The following RASAL3 variants were observed in gnomAD, a reference collection of about 807,000 sequenced individuals.
The protein encoded by RASAL3 is RAS protein activator like-3.
In RASAL3, 74 loss-of-function variants were observed where a neutral mutation model predicts 105.5. The observed-to-expected ratio is 0.70, with a 90% CI of 0.58 to 0.85. The LOEUF is 0.85. Among genes scored for constraint, RASAL3 ranks in the 40% least tolerant of loss-of-function variants. The probability of loss-of-function intolerance (pLI) is 0.00; values close to 1 mark genes in which losing one functional copy is unlikely to be tolerated. For missense variants in RASAL3, 1,352 were observed against 1,392.0 expected (o/e 0.97, Z 0.46); for synonymous variants, 579 against 591.6 (o/e 0.98, Z 0.31).
In RASAL3 at chr19:15,458,587, C is replaced by G; in HGVS notation, c.731G>C (p.Arg244Pro). ...GTGCAGTGGCCAGATCCGCACATCC[C>G]GCTCGGCACCCAGGTCCAGTTCAGA... is the stretch of plus-strand genomic sequence containing the variant. Reference protein sequence around the residue: ...TLSELDLGAERDVRIWPLHPS... With the variant: ...TLSELDLGAEPDVRIWPLHPS... Residue 244 changes from arginine to proline, a missense_variant, in exon 7 of 18, where the codon CGG becomes CCG. By Grantham distance (103) the Arg-to-Pro change is moderately radical (BLOSUM62 -2). This residue lies in a region of RASAL3 where 344 missense variants were observed against 339.6 expected (regional missense o/e 1.01). Coordinates refer to ENST00000343625, the MANE Select transcript of RASAL3 (RefSeq NM_022904.3). 1 of 1,613,508 alleles carries G rather than the reference C, an allele frequency of 6.2e-7. No individual in the cohort carries two copies. The highest frequency in any genetic ancestry group is 1.1e-5 in the South Asian group (1 of 90,980).
rs1471588378 is a variant in RASAL3, at chr19:15,451,736, C to G, written c.*59G>C. 1.3e-6 allele frequency: 2 copies of G among 1,536,550 alleles called. No individual in the cohort carries two copies. Among genetic ancestry groups the G allele is most frequent in the African/African-American group, 1.4e-5 (1 of 73,220 alleles). ...AGGGCTAAGGCAAAGTCAGACACCC[C>G]CCCTAAGATGGCTATCTCTCTGCTC... is the stretch of plus-strand genomic sequence containing the variant. On this transcript the variant is annotated 3_prime_UTR_variant, in exon 18 of 18. Coordinates refer to ENST00000343625, the MANE Select transcript of RASAL3 (RefSeq NM_022904.3).
chr19:15,454,611 C>T, intron 12 of RASAL3, 46 bp downstream of exon 12: 1 of 1,612,498 alleles, frequency 6.2e-7, no homozygotes, highest in Non-Finnish European at 8.5e-7. Flanking sequence ...CTGCCACCCC[C>T]ACACTCCCAG....
intron 2 of RASAL3, among the ~76,000 whole-genome samples, chr19:15,462,511 A>G (rs1970541515): frequency 1.3e-5 from 2 of 151,764 alleles, no homozygotes; most frequent in Non-Finnish European, 2.9e-5. Context: ...ACAAAAACAA[A>G]ATGGGAATAT....
In RASAL3 at chr19:15,461,017, C is replaced by T; in HGVS notation, c.606+43G>A. On this transcript the variant is annotated intron_variant, in intron 5 of 17. Transcript: ENST00000343625. Reference sequence around the variant, plus strand: ...CTTTCAGCTTTGAGGGTCCGAGAGTCTTGGCTCTCCCCTCTACCTCCCACC... The same window carrying T: ...CTTTCAGCTTTGAGGGTCCGAGAGTTTTGGCTCTCCCCTCTACCTCCCACC... The T allele has an allele frequency of 3.1e-6, 5 of 1,596,940 alleles. No individual in the cohort carries two copies. In the East Asian group the frequency reaches 1.1e-4, roughly 36 times the overall value.
Position 15,453,762 on chromosome 19 carries a change from A to AT in RASAL3, c.2280-266dup, listed in dbSNP as rs59747859. Among the ~76,000 whole-genome samples the AT allele has an allele frequency of 7.1e-3, 1,010 of 142,626 alleles. 9 individuals carry two copies. The highest frequency in any genetic ancestry group is 0.019 in the African/African-American group (724 of 38,968). The allele number at this position is 142,626 out of a possible 152,430, so 93.6% of individuals were successfully genotyped here. On this transcript the variant is annotated intron_variant, in intron 14 of 17. Coordinates refer to ENST00000343625, the MANE Select transcript of RASAL3 (RefSeq NM_022904.3). This position sits in a 1 kb window ranked among gnomAD's most constrained non-coding sequence, Gnocchi z 4.2. ...CAGCACATGCCACTATACCCAGGTAATTTTTTTTTTTTTTGGTAGAGATGG... is the reference window on the plus strand; with the variant it reads ...CAGCACATGCCACTATACCCAGGTAATTTTTTTTTTTTTTTGGTAGAGATGG...
At chr19:15,461,753 G>A in intron 2 of RASAL3, 146 bp from the exon 3 acceptor site, 1 of 1,222,330 alleles carries the variant, frequency 8.2e-7, no homozygotes. Flanking sequence ...CCTTGGGCAA[G>A]CTTTCATCGC....
At chr19:15,455,955 T>C in intron 11 of RASAL3, 149 bp downstream of exon 11, 1 of 913,288 alleles carries the variant, frequency 1.1e-6, no homozygotes, top group Non-Finnish European at 1.6e-6. Context: ...CTGGTTCAAA[T>C]GAGTAATTTT....
In RASAL3 at chr19:15,456,498, T is replaced by A; in HGVS notation, c.1576+4A>T. 1.2e-6 allele frequency: 2 copies of A among 1,613,536 alleles called. No individual in the cohort carries two copies. The highest frequency in any genetic ancestry group is 8.5e-7 in the Non-Finnish European group (1 of 1,179,716). ...CCGCTGACATGGACTCTCCCCCAGCTCACCCAGGGTCTCCTGGAGGTAATC... is the reference window on the plus strand; with the variant it reads ...CCGCTGACATGGACTCTCCCCCAGCACACCCAGGGTCTCCTGGAGGTAATC... On this transcript the variant is annotated splice_donor_region_variant and intron_variant, in intron 10 of 17. Transcript: ENST00000343625. This position sits in a 1 kb window ranked among gnomAD's most constrained non-coding sequence, Gnocchi z 4.4.
At chr19:15,462,100 C>A (rs1599752416) in intron 2 of RASAL3, among the ~76,000 whole-genome samples, 1 of 152,032 alleles carries the variant, frequency 6.6e-6, no homozygotes, top group African/African-American at 2.4e-5. Context: ...TGCCTGTAAT[C>A]CCAACATTTG....
chr19:15,453,340 GCCGGGGCCGCCGC>G lies in RASAL3; in HGVS notation c.2424_2436del (p.Arg810CysfsTer29). 1 of 1,425,482 alleles carries G rather than the reference GCCGGGGCCGCCGC, an allele frequency of 7.0e-7. No homozygotes were observed. The highest frequency in any genetic ancestry group is 1.5e-5 in the South Asian group (1 of 67,298). The allele number at this position is 1,425,482 out of a possible 1,614,324, so 88.3% of individuals were successfully genotyped here. On this transcript the variant is annotated frameshift_variant, in exon 15 of 18. Coordinates refer to ENST00000343625, the MANE Select transcript of RASAL3 (RefSeq NM_022904.3). LOFTEE classifies it high-confidence loss of function. This position sits in a 1 kb window ranked among gnomAD's most constrained non-coding sequence, Gnocchi z 4.2. ...GGGACACTCTGCGTGCGCTGCACCG[GCCGGGGCCGCCGC>G]AGGGGCCGCTCTTCGTCCGGCCGTG...
intron 15 of RASAL3, 101 bp from the exon 16 acceptor site, chr19:15,452,916 C>T: frequency 6.8e-7 from 1 of 1,462,732 alleles, no homozygotes; most frequent in South Asian, 1.3e-5. Context: ...TCATCACCGG[C>T]CTGCCTAGTT....
rs1436171215 is a variant in RASAL3 at position 15,461,418 on chromosome 19, C to T, written c.465+53G>A. ...CCTCCAGCCCCTGCCTCTGTTCTGC[C>T]CTCCTCCTTTTTCTTTCTTCCCTCC... is the stretch of plus-strand genomic sequence containing the variant. On this transcript the variant is annotated intron_variant, in intron 3 of 17. Coordinates refer to ENST00000343625, the MANE Select transcript of RASAL3 (RefSeq NM_022904.3). The T allele has an allele frequency of 6.5e-6, 10 of 1,533,636 alleles. No homozygotes were observed. In the Admixed American group the frequency reaches 1.8e-4, roughly 28 times the overall value.
chr19:15,464,116 A>G lies in RASAL3; in HGVS notation c.243T>C (p.Ser81=). 1.2e-6 allele frequency: 2 copies of G among 1,613,274 alleles called. No individual in the cohort carries two copies. The highest frequency in any genetic ancestry group is 1.7e-6 in the Non-Finnish European group (2 of 1,179,684). The part of the protein sequence containing the change: ...LSAPPKESRT[S]RLRLSKALWG... ...AGAGGGCCTTGGAGAGTCGAAGGCGACTGGTCCGTGACTCCTTGGGAGGCG... is the reference window on the plus strand; with the variant it reads ...AGAGGGCCTTGGAGAGTCGAAGGCGGCTGGTCCGTGACTCCTTGGGAGGCG... Residue 81 remains serine (S), a synonymous_variant, in exon 2 of 18, where the codon AGT becomes AGC. Coordinates refer to ENST00000343625, the MANE Select transcript of RASAL3 (RefSeq NM_022904.3).
At position 15,458,417 on chromosome 19, in the gene RASAL3, T is replaced by A. The variant is rs1970398830; in HGVS notation, c.799A>T (p.Thr267Ser). Residue 267 changes from threonine to serine, a missense_variant, in exon 8 of 18, where the codon ACG becomes TCG. Transcript: ENST00000343625. ...GEPHCFQVTW[T>S]GGSRCFSCRS... ...CAAGAGAAGCAGCGGCTTCCACCCG[T>A]CCAGGTTACCTGTTGGGATGGAGAA... 6.2e-7 allele frequency: 1 copy of A among 1,613,716 alleles called. No homozygotes were observed. The highest frequency in any genetic ancestry group is 1.3e-5 in the African/African-American group (1 of 74,922).
At position 15,453,464 on chromosome 19, in the gene RASAL3, G is replaced by A. The variant is rs777821670; in HGVS notation, c.2313C>T (p.Ala771=). ...LSAGEKPGFL[A]PRDLPKHTPL... ...GGGTGTGCTTGGGGAGGTCCCGGGGGGCCAGGAAGCCGGGCTTCTCCCCTG... is the reference window on the plus strand; with the variant it reads ...GGGTGTGCTTGGGGAGGTCCCGGGGAGCCAGGAAGCCGGGCTTCTCCCCTG... The change falls in exon 15 of 18, where the codon GCC becomes GCT. Residue 771 remains alanine (A), a synonymous_variant. Transcript: ENST00000343625. The surrounding 1 kb of genome is among the most constrained non-coding windows in gnomAD (Gnocchi z 4.2). The A allele has an allele frequency of 1.7e-5, 26 of 1,543,388 alleles. No individual in the cohort carries two copies. Among genetic ancestry groups the A allele is most frequent in the Non-Finnish European group, 2.2e-5 (25 of 1,155,784 alleles).
rs1230779550 is a variant in RASAL3 at position 15,457,753 on chromosome 19, G to A, written c.970C>T (p.Pro324Ser). ...AGCCACAGCTCGGCGCGCACGCCGG[G>A]TGCCCCCGCCGCTGCTCGGGGAAGC... ...KGLPRAAAGA[P>S]GVRAELWLDG... Residue 324 changes from proline (P) to serine (S), a missense_variant, in exon 9 of 18, where the codon CCC (proline) becomes TCC (serine). Transcript: ENST00000343625. The surrounding 1 kb of genome is among the most constrained non-coding windows in gnomAD (Gnocchi z 8.6). 6.5e-7 allele frequency: 1 copy of A among 1,544,492 alleles called. No homozygotes were observed. The highest frequency in any genetic ancestry group is 8.7e-7 in the Non-Finnish European group (1 of 1,145,158).
In RASAL3 at chr19:15,464,371, G is replaced by GT; in HGVS notation, c.-14_-13insA. The GT allele has an allele frequency of 6.9e-7, 1 of 1,459,230 alleles. No homozygotes were observed. The highest frequency in any genetic ancestry group is 9.5e-7 in the Non-Finnish European group (1 of 1,052,792). 90.4% of individuals were successfully genotyped at this position (1,459,230 alleles called of 1,614,324 possible). ...ACGGTGGGTCCATGGTTGGGGGGGG[G>GT]GGTCTCCTGGGGGACGAGAGAGTGA... On this transcript the variant is annotated 5_prime_UTR_variant, in exon 2 of 18. Coordinates refer to ENST00000343625, the MANE Select transcript of RASAL3 (RefSeq NM_022904.3).
In RASAL3 at chr19:15,464,062, C is replaced by G. The variant is rs752695161; in HGVS notation, c.297G>C (p.Glu99Asp). ...CCTCCTGCTCCGGCTCCGGGTCTGG[C>G]TCCGGCGGTGGGTTCTTATGCCTCC... is the stretch of plus-strand genomic sequence containing the variant. ...LWGRHKNPPP[E>D]PDPEPEQEAP... Residue 99 changes from glutamate (E) to aspartate (D), a missense_variant, in exon 2 of 18, where the codon GAG becomes GAC. Physicochemically the swap from Glu to Asp is conservative, Grantham distance 45 (BLOSUM62 2). Transcript: ENST00000343625. 2.8e-5 allele frequency: 44 copies of G among 1,584,572 alleles called. No homozygotes were observed. Among genetic ancestry groups the G allele is most frequent in the Non-Finnish European group, 3.4e-5 (39 of 1,162,472 alleles).
intron 16 of RASAL3, 30 bp from the exon 17 acceptor site, chr19:15,452,138 G>A: frequency 1.9e-6 from 3 of 1,612,036 alleles, no homozygotes; most frequent in Non-Finnish European, 2.5e-6. Context: ...GGGGCGAAGG[G>A]CAGAGGCTAA....
Sources: allele counts gnomAD v4.1 joint callset (sites outside exome capture counted in the v4.1 genomes callset), GRCh38; gene constraint gnomAD v4.1.1; regional missense constraint gnomAD v4.1.1; non-coding constraint Gnocchi (gnomAD v3.1); transcripts MANE v1.5; gene names NCBI Gene and HGNC (gene_info 2026-07-23, HGNC 2026-07-21).